CADM1: variants seen among roughly 807,000 people sequenced by gnomAD.
The protein encoded by CADM1 is cell adhesion molecule 1.
A neutral mutation model predicts 53.1 loss-of-function variants in CADM1; 15 were observed. That is an observed-to-expected ratio of 0.28 (90% CI 0.19 to 0.44). The LOEUF is 0.44. Among genes scored for constraint, CADM1 ranks in the 20% least tolerant of loss-of-function variants. The pLI, the probability that CADM1 is intolerant of heterozygous loss-of-function variation, is 1.00. For synonymous variants in CADM1, 281 were observed against 243.0 expected (o/e 1.16, Z -1.45); for missense variants, 434 against 611.3 (o/e 0.71, Z 3.06).
Position 115,307,517 on chromosome 11 carries a change from A to AATAT in CADM1, c.125-67101_125-67098dup, listed in dbSNP as rs1555060903. Among the ~76,000 whole-genome samples, 1,338 of 144,272 alleles carry AATAT rather than the reference A, an allele frequency of 9.3e-3. 14 individuals are homozygous for AATAT. Among genetic ancestry groups the AATAT allele is most frequent in the East Asian group, 0.02 (97 of 4,786 alleles). The allele number at this position is 144,272 out of a possible 152,430, so 94.6% of individuals were successfully genotyped here. A position where few individuals can be genotyped will look rare whatever the true frequency, so the allele number is the denominator to read the frequency against. On this transcript the variant is annotated intron_variant, in intron 1 of 11. Transcript: ENST00000331581. ...CAACTATTTAAGCCAGGAAAAAAAA[A>AATAT]ATATATATATATATATATGCTGAGA... is the stretch of plus-strand genomic sequence containing the variant.
At chr11:115,286,714 T>C (rs1565344461) in intron 1 of CADM1, among the ~76,000 whole-genome samples, 1 of 152,176 alleles carries the variant, frequency 6.6e-6, no homozygotes, top group Non-Finnish European at 1.5e-5. Flanking sequence ...GGGCCTGTCT[T>C]TACAGAACTA....
At position 115,369,183 on chromosome 11, in the gene CADM1, T is replaced by A. The variant is rs150151909; in HGVS notation, c.125-128763A>T. 7.8e-3 allele frequency among the ~76,000 whole-genome samples: 1,193 copies of A among 152,192 alleles called. 16 individuals are homozygous for A. Among genetic ancestry groups the A allele is most frequent in the African/African-American group, 0.024 (977 of 41,544 alleles). On this transcript the variant is annotated intron_variant, in intron 1 of 11. Transcript: ENST00000331581. ...TACAGGAAAACTAAAATGCCCCTAATAGCCCAATCTCACTGCAAACATGCC... is the reference window on the plus strand; with the variant it reads ...TACAGGAAAACTAAAATGCCCCTAAAAGCCCAATCTCACTGCAAACATGCC...
intron 1 of CADM1, among the ~76,000 whole-genome samples, chr11:115,280,433 C>T (rs1317159130): frequency 6.6e-6 from 1 of 152,100 alleles, no homozygotes; most frequent in East Asian, 1.9e-4. Flanking sequence ...CTCCAAACTG[C>T]TTTATGTGGC....
At chr11:115,432,347 TC>T (rs1948077751) in intron 1 of CADM1, among the ~76,000 whole-genome samples, 1 of 152,080 alleles carries the variant, frequency 6.6e-6, no homozygotes, top group Admixed American at 6.6e-5. Flanking sequence ...AGTCTTTCCC[TC>T]CCCAATGCCC....
rs538907808 is a variant in CADM1, at chr11:115,352,828, A to G, written c.125-112408T>C. On this transcript the variant is annotated intron_variant, in intron 1 of 11. Coordinates refer to ENST00000331581, the MANE Select transcript of CADM1 (RefSeq NM_001301043.2). ...GGTAAGACAGAGGTAAGTTTCACTC[A>G]GCTAGTGCCTGTCACAGCCAGATTT... Among the ~76,000 whole-genome samples, 13 of 152,242 alleles carry G rather than the reference A, an allele frequency of 8.5e-5. No individual in the cohort carries two copies. The South Asian group carries it at 1.7e-3, about 19-fold the overall frequency.
chr11:115,491,640 G>T (rs1288380854), intron 1 of CADM1, among the ~76,000 whole-genome samples: 1 of 152,148 alleles, frequency 6.6e-6, no homozygotes, highest in Non-Finnish European at 1.5e-5. Context: ...GAAGAAATGG[G>T]AGAAAAGTGA....
intron 1 of CADM1, among the ~76,000 whole-genome samples, chr11:115,422,900 A>G (rs1183083222): frequency 3.9e-5 from 6 of 152,192 alleles, no homozygotes; most frequent in African/African-American, 1.4e-4. Context: ...TGTTTGTCAG[A>G]AAACCCCAAG....
At chr11:115,211,085 T>C (rs1160548946) in intron 7 of CADM1, among the ~76,000 whole-genome samples, 2 of 152,156 alleles carry the variant, frequency 1.3e-5, no homozygotes, top group Non-Finnish European at 2.9e-5. Context: ...ATGGTTAAGT[T>C]AGTGATTTTA....
chr11:115,459,829 T>C (rs1220297618), intron 1 of CADM1, among the ~76,000 whole-genome samples: 1 of 152,154 alleles, frequency 6.6e-6, no homozygotes, highest in Non-Finnish European at 1.5e-5. Flanking sequence ...CTTCAGTGGG[T>C]TCAATAAATT....
At chr11:115,290,462 T>C (rs1479636217) in intron 1 of CADM1, among the ~76,000 whole-genome samples, 2 of 152,192 alleles carry the variant, frequency 1.3e-5, no homozygotes, top group African/African-American at 4.8e-5. Context: ...AATGCATTTT[T>C]TTAAACCTCA....
chr11:115,338,891 A>T (rs9888146), intron 1 of CADM1, among the ~76,000 whole-genome samples: 1,971 of 65,308 alleles, frequency 0.03, 21 homozygotes, highest in East Asian at 0.082. Flanking sequence ...TTTTTTTTTT[A>T]ATTTTTTTTT....
chr11:115,179,091 A>T (rs1306433625), intron 10 of CADM1: 2 of 381,108 alleles, frequency 5.2e-6, no homozygotes, highest in African/African-American at 4.2e-5. Flanking sequence ...CTCTGTCTGT[A>T]TCCAGTTGCA....
intron 1 of CADM1, among the ~76,000 whole-genome samples, chr11:115,295,458 C>T (rs1944025639): frequency 6.9e-6 from 1 of 145,932 alleles, no homozygotes; most frequent in Non-Finnish European, 1.5e-5. Flanking sequence ...TCCCAGGCTC[C>T]ACTCTCTGCC....
At chr11:115,183,563 C>A (rs995493241) in intron 10 of CADM1, among the ~76,000 whole-genome samples, 2 of 152,182 alleles carry the variant, frequency 1.3e-5, no homozygotes, top group Non-Finnish European at 2.9e-5. Flanking sequence ...CCCTCGGCTA[C>A]ACAGAGTCCA....
At chr11:115,273,628 T>C (rs1943364858) in intron 1 of CADM1, among the ~76,000 whole-genome samples, 1 of 152,082 alleles carries the variant, frequency 6.6e-6, no homozygotes, top group South Asian at 2.1e-4. Context: ...TAAGTCTTTA[T>C]CATCGTGTTT....
Position 115,375,747 on chromosome 11 carries a change from C to CTAATAA in CADM1, c.124+128518_124+128523dup, listed in dbSNP as rs528230983. Among the ~76,000 whole-genome samples, 155 of 151,268 alleles carry CTAATAA rather than the reference C, an allele frequency of 1.0e-3. 1 individual carries two copies. The highest frequency in any genetic ancestry group is 3.6e-3 in the African/African-American group (149 of 41,254). On this transcript the variant is annotated intron_variant, in intron 1 of 11. Transcript: ENST00000331581. ...AGATATATTGCACGTAGGGAGTATG[C>CTAATAA]TAATAATAATAATAATAATAGGAAA...
chr11:115,194,488 T>C (rs1010433426), intron 9 of CADM1, among the ~76,000 whole-genome samples: 6 of 152,196 alleles, frequency 3.9e-5, no homozygotes, highest in African/African-American at 1.4e-4. Flanking sequence ...TGAGAAATTA[T>C]TCTTCAGAGG....
At chr11:115,445,769 G>A (rs1259187692) in intron 1 of CADM1, 18 of 453,964 alleles carry the variant, frequency 4.0e-5, no homozygotes, top group East Asian at 7.1e-5. Context: ...ACCTGAGCAC[G>A]GGAAGGCCGA....
At chr11:115,296,459 A>T (rs1944081951) in intron 1 of CADM1, among the ~76,000 whole-genome samples, 1 of 152,162 alleles carries the variant, frequency 6.6e-6, no homozygotes, top group Non-Finnish European at 1.5e-5. Flanking sequence ...CTGCTTTTGC[A>T]GTAGTGAGTT....
Sources: gnomAD v4.1 joint callset for allele counts (sites outside exome capture counted in the v4.1 genomes callset) on GRCh38, gnomAD v4.1.1 for gene constraint, MANE v1.5 for transcripts, NCBI Gene and HGNC (gene_info 2026-07-23, HGNC 2026-07-21) for gene names.